Variants in RBFOX3 observed in about 807,000 individuals in gnomAD.
RBFOX3 encodes the protein RNA binding protein fox-1 homolog 3.
RBFOX3 carries 17 observed loss-of-function variants against 48.7 expected under a neutral mutation model. That is an observed-to-expected ratio of 0.35 (90% CI 0.24 to 0.52). RBFOX3 has a LOEUF of 0.52. Ranked by LOEUF, RBFOX3 falls within the 20% of genes least tolerant of loss-of-function variation. The probability of loss-of-function intolerance (pLI) is 0.94; values close to 1 mark genes in which losing one functional copy is unlikely to be tolerated. For missense variants in RBFOX3, 382 were observed against 497.5 expected (o/e 0.77, Z 2.21); for synonymous variants, 212 against 209.5 (o/e 1.01, Z -0.10).
At chr17:79,411,803 G>A (rs955875086) in intron 2 of RBFOX3, among the ~76,000 whole-genome samples, 4 of 152,234 alleles carry the variant, frequency 2.6e-5, no homozygotes, top group Non-Finnish European at 4.4e-5. Context: ...TAGCACTCAG[G>A]GGACGTTTGC....
chr17:79,487,050 G>C (rs921970264), intron 1 of RBFOX3, among the ~76,000 whole-genome samples: 1 of 152,250 alleles, frequency 6.6e-6, no homozygotes. Flanking sequence ...TACACAAAGG[G>C]AGAGGGAGGT....
intron 4 of RBFOX3, among the ~76,000 whole-genome samples, chr17:79,193,716 TTACTG>T (rs2054982470): frequency 6.6e-6 from 1 of 152,196 alleles, no homozygotes; most frequent in Non-Finnish European, 1.5e-5. Context: ...ACTAGAATCT[TTACTG>T]TATTGGAATT....
At chr17:79,398,010 A>C (rs1345095596) in intron 2 of RBFOX3, among the ~76,000 whole-genome samples, 3 of 152,258 alleles carry the variant, frequency 2.0e-5, no homozygotes, top group Middle Eastern at 3.4e-3. Context: ...AGACAGCTTT[A>C]GGGTACAGAC....
chr17:79,097,842 T>G, intron 9 of RBFOX3, 97 bp from the exon 10 acceptor site: 1 of 1,312,912 alleles, frequency 7.6e-7, no homozygotes, highest in Non-Finnish European at 1.1e-6. Context: ...GTGGAGCCCT[T>G]GGGAACATTC....
At chr17:79,604,254 C>T (rs1443137567) in intron 1 of RBFOX3, among the ~76,000 whole-genome samples, 1 of 152,200 alleles carries the variant, frequency 6.6e-6, no homozygotes, top group African/African-American at 2.4e-5. Flanking sequence ...CAGGTGTCAA[C>T]ACCAAGTCAT....
chr17:79,399,769 G>A (rs531221247), intron 2 of RBFOX3, among the ~76,000 whole-genome samples: 4 of 152,310 alleles, frequency 2.6e-5, no homozygotes, highest in Admixed American at 6.5e-5. Context: ...GCCCCTCCCC[G>A]GGGAGCAGCA....
At chr17:79,573,055 G>A (rs936216805) in intron 1 of RBFOX3, among the ~76,000 whole-genome samples, 1 of 152,312 alleles carries the variant, frequency 6.6e-6, no homozygotes, top group Non-Finnish European at 1.5e-5. Context: ...GGGCGTCCTG[G>A]GTACACCTGG....
At position 79,242,381 on chromosome 17, in the gene RBFOX3, A is replaced by G. The variant is rs190236576; in HGVS notation, c.-73-6576T>C. ...GGAGGTGAAGGGTGCAATTTTATAA[A>G]TCACTATAAAATTATAAAATTTTTT... On this transcript the variant is annotated intron_variant, in intron 3 of 14. Coordinates refer to ENST00000693108, the MANE Select transcript of RBFOX3 (RefSeq NM_001350451.2). This position sits in a 1 kb window ranked among gnomAD's most constrained non-coding sequence, Gnocchi z 5.8. Among the ~76,000 whole-genome samples the G allele has an allele frequency of 4.3e-3, 662 of 152,286 alleles. 6 individuals are homozygous for G. The highest frequency in any genetic ancestry group is 0.015 in the African/African-American group (637 of 41,554).
At chr17:79,175,728 T>G (rs994737849) in intron 4 of RBFOX3, among the ~76,000 whole-genome samples, 3 of 151,926 alleles carry the variant, frequency 2.0e-5, no homozygotes, top group Non-Finnish European at 4.4e-5. Flanking sequence ...GCTCTTGGGG[T>G]GGCGCCTCTG....
intron 2 of RBFOX3, among the ~76,000 whole-genome samples, chr17:79,338,063 C>G (rs1484269000): frequency 2.6e-5 from 4 of 151,934 alleles, no homozygotes; most frequent in Non-Finnish European, 4.4e-5. Flanking sequence ...CTCAGCCTCC[C>G]GAGTAGCTAG....
rs1002838071 is a variant in RBFOX3 at position 79,212,725 on chromosome 17, C to G, written c.-34+23041G>C. On this transcript the variant is annotated intron_variant, in intron 4 of 14. Transcript: ENST00000693108. This position sits in a 1 kb window ranked among gnomAD's most constrained non-coding sequence, Gnocchi z 4.7. ...ACTACCACTTGTTTCCCCTTTTGTC[C>G]TAGAATGAGAAAAGCAGGCTGTGGG... is the stretch of plus-strand genomic sequence containing the variant. Among the ~76,000 whole-genome samples the G allele has an allele frequency of 1.3e-5, 2 of 152,128 alleles. No individual in the cohort carries two copies. The highest frequency in any genetic ancestry group is 6.6e-5 in the Admixed American group (1 of 15,258).
chr17:79,224,888 CT>C (rs1441873583), intron 4 of RBFOX3, among the ~76,000 whole-genome samples: 1 of 152,220 alleles, frequency 6.6e-6, no homozygotes, highest in Non-Finnish European at 1.5e-5. Context: ...AATTTCACCC[CT>C]GGTGCTAGCC....
In RBFOX3 at chr17:79,252,218, A is replaced by T. The variant is rs11077417; in HGVS notation, c.-73-16413T>A. ...CTTTACTTTCTCCCCAGGCAACTTC[A>T]GAGGTCTGGCTTCAACCCGCACCCT... On this transcript the variant is annotated intron_variant, in intron 3 of 14. Coordinates refer to ENST00000693108, the MANE Select transcript of RBFOX3 (RefSeq NM_001350451.2). The surrounding 1 kb of genome is among the most constrained non-coding windows in gnomAD (Gnocchi z 4.0). Among the ~76,000 whole-genome samples, 5 of 151,908 alleles carry T rather than the reference A, an allele frequency of 3.3e-5. No individual in the cohort carries two copies. Among genetic ancestry groups the T allele is most frequent in the Admixed American group, 1.3e-4 (2 of 15,268 alleles).
intron 2 of RBFOX3, among the ~76,000 whole-genome samples, chr17:79,358,680 C>T (rs1227436937): frequency 6.6e-6 from 1 of 152,044 alleles, no homozygotes; most frequent in East Asian, 1.9e-4. Context: ...AGGCTGGTCT[C>T]GAACTCCTGA....
At chr17:79,393,901 A>C (rs2061667829) in intron 2 of RBFOX3, among the ~76,000 whole-genome samples, 1 of 147,870 alleles carries the variant, frequency 6.8e-6, no homozygotes, top group African/African-American at 2.5e-5. Context: ...CGCACACATC[A>C]GAGATGGCCA....
At chr17:79,664,650 C>T in the RBFOX3 span, among the ~76,000 whole-genome samples, 1 of 152,232 alleles carries the variant, frequency 6.6e-6, no homozygotes, top group South Asian at 2.1e-4. Context: ...GCCCGGCCTA[C>T]TCTCACCATT....
intron 2 of RBFOX3, among the ~76,000 whole-genome samples, chr17:79,451,776 C>T (rs542393242): frequency 3.3e-5 from 5 of 152,352 alleles, no homozygotes; most frequent in Admixed American, 6.5e-5. Context: ...TGACAATAAG[C>T]GTACCAACAT....
chr17:79,609,173 G>A (rs2093911052), intron 1 of RBFOX3, among the ~76,000 whole-genome samples: 1 of 152,208 alleles, frequency 6.6e-6, no homozygotes, highest in Non-Finnish European at 1.5e-5. Flanking sequence ...AGCAGGTTCT[G>A]CCGCAATGTT....
At chr17:79,258,177 G>T (rs982270194) in intron 3 of RBFOX3, among the ~76,000 whole-genome samples, 3 of 152,170 alleles carry the variant, frequency 2.0e-5, no homozygotes, top group African/African-American at 7.2e-5. Context: ...GCTAGACACT[G>T]GTTGGTCCTC....
Sources: gnomAD v4.1 joint callset for allele counts (sites outside exome capture counted in the v4.1 genomes callset) on GRCh38, gnomAD v4.1.1 for gene constraint, Gnocchi (gnomAD v3.1) non-coding constraint, MANE v1.5 for transcripts, NCBI Gene and HGNC (gene_info 2026-07-23, HGNC 2026-07-21) for gene names.